SLC6A3: variants seen among roughly 807,000 people sequenced by gnomAD.
SLC6A3 encodes the protein solute carrier family 6 member 3.
Under a neutral mutation model 70.4 loss-of-function variants are expected in SLC6A3, and 19 were observed. That is an observed-to-expected ratio of 0.27 (90% CI 0.19 to 0.40). The LOEUF is 0.40. SLC6A3 is among the 10% of genes least tolerant of loss of function. The pLI is 1.00. For synonymous variants in SLC6A3, 368 were observed against 356.6 expected, an observed-to-expected ratio of 1.03 and a Z score of -0.36; for missense variants, 613 against 838.5, an observed-to-expected ratio of 0.73 and a Z score of 3.32.
At position 1,404,926 on chromosome 5, in the gene SLC6A3, A is replaced by G. The variant is rs562118247; in HGVS notation, c.1599+1262T>C. The stretch of plus-strand genomic sequence containing the variant: ...ATCGAGGTCAGCCCTCTGGGTGTTA[A>G]GAGGAGACACCCCCTCAAGGGGAGC... On this transcript the variant is annotated intron_variant, in intron 12 of 14. Transcript: ENST00000270349. The surrounding 1 kb of genome is among the most constrained non-coding windows in gnomAD (Gnocchi z 5.2). Among the ~76,000 whole-genome samples the G allele has an allele frequency of 1.3e-5, 2 of 152,348 alleles. No individual in the cohort carries two copies. Among genetic ancestry groups the G allele is most frequent in the South Asian group, 4.1e-4 (2 of 4,826 alleles).
At chr5:1,444,250 C>A (rs560096472) in intron 1 of SLC6A3, among the ~76,000 whole-genome samples, 1 of 152,150 alleles carries the variant, frequency 6.6e-6, no homozygotes, top group Admixed American at 6.5e-5. Context: ...TACATAAACC[C>A]CCCTGCAACG....
In SLC6A3 at chr5:1,411,992, G is replaced by A. The variant is rs532171303; in HGVS notation, c.1157-637C>T. On this transcript the variant is annotated intron_variant, in intron 8 of 14. Transcript: ENST00000270349. This position sits in a 1 kb window ranked among gnomAD's most constrained non-coding sequence, Gnocchi z 6.5. ...CATGCAAGAACACATCCACATGCACGCACACAAACAGAAACATGCACGTGC... is the reference window on the plus strand; with the variant it reads ...CATGCAAGAACACATCCACATGCACACACACAAACAGAAACATGCACGTGC... Among the ~76,000 whole-genome samples the A allele has an allele frequency of 1.6e-4, 24 of 148,100 alleles. No homozygotes were observed. Among genetic ancestry groups the A allele is most frequent in the African/African-American group, 5.0e-4 (20 of 39,724 alleles).
At position 1,438,021 on chromosome 5, in the gene SLC6A3, G is replaced by A. The variant is rs182817378; in HGVS notation, c.418+3338C>T. Among the ~76,000 whole-genome samples the A allele has an allele frequency of 4.3e-4, 65 of 152,294 alleles. No individual in the cohort carries two copies. Among genetic ancestry groups the A allele is most frequent in the African/African-American group, 1.4e-3 (60 of 41,556 alleles). On this transcript the variant is annotated intron_variant, in intron 3 of 14. Transcript: ENST00000270349. The surrounding 1 kb of genome is among the most constrained non-coding windows in gnomAD (Gnocchi z 6.5). ...AGCAATGTCAGTCTCCTCTAAACTG[G>A]CATCCTGCGCTTGACAGGTAGGCAG...
At position 1,402,854 on chromosome 5, in the gene SLC6A3, C is replaced by T. The variant is rs1411610854; in HGVS notation, c.1767+68G>A. Reference sequence around the variant, plus strand: ...GACCCAGGCAGGTGAGGACTGGGGCCATGGACACCCACGGAGCCTTTCTGG... The same window carrying T: ...GACCCAGGCAGGTGAGGACTGGGGCTATGGACACCCACGGAGCCTTTCTGG... On this transcript the variant is annotated intron_variant, in intron 13 of 14. Coordinates refer to ENST00000270349, the MANE Select transcript of SLC6A3 (RefSeq NM_001044.5). The surrounding 1 kb of genome is among the most constrained non-coding windows in gnomAD (Gnocchi z 8.5). The T allele has an allele frequency of 1.3e-6, 2 of 1,515,364 alleles. No individual in the cohort carries two copies. The highest frequency in any genetic ancestry group is 1.8e-6 in the Non-Finnish European group (2 of 1,102,480). 93.9% of individuals were successfully genotyped at this position (1,515,364 alleles called of 1,614,324 possible). A position where few individuals can be genotyped will look rare whatever the true frequency, so the allele number is the denominator to read the frequency against.
intron 1 of SLC6A3, among the ~76,000 whole-genome samples, chr5:1,445,087 G>A (rs947831463): frequency 6.6e-6 from 1 of 152,190 alleles, no homozygotes; most frequent in Non-Finnish European, 1.5e-5. Context: ...ACTGCACCAG[G>A]TGCCCACCCG....
chr5:1,421,981 G>GGA lies in SLC6A3; in HGVS notation c.686_687insTC (p.Ile230ProfsTer31). 1 of 1,612,878 alleles carries GGA rather than the reference G, an allele frequency of 6.2e-7. No homozygotes were observed. Among genetic ancestry groups the GGA allele is most frequent in the Non-Finnish European group, 8.5e-7 (1 of 1,180,014 alleles). On this transcript the variant is annotated frameshift_variant, in exon 5 of 15. Transcript: ENST00000270349. LOFTEE classifies it high-confidence loss of function. The surrounding 1 kb of genome is among the most constrained non-coding windows in gnomAD (Gnocchi z 7.2). ...ACCGCGGAGGCCCCAGGTCGTCGAT[G>GGA]CCATGGCTCTGGTGGAGGTGCAGCA...
chr5:1,442,894 G>A lies in SLC6A3; in HGVS notation c.286+18C>T, dbSNP rs577760312. 6.8e-6 allele frequency: 11 copies of A among 1,614,050 alleles called. No homozygotes were observed. The Admixed American group carries it at 1.5e-4, about 22-fold the overall frequency. ...CCCGCCCGGCCAGCATGCTCAGGGA[G>A]GCTGAGATGGGACTTACCGCCACCA... On this transcript the variant is annotated intron_variant, in intron 2 of 14. Transcript: ENST00000270349. This position sits in a 1 kb window ranked among gnomAD's most constrained non-coding sequence, Gnocchi z 5.0.
chr5:1,445,185 G>A (rs1452070927), intron 1 of SLC6A3, among the ~76,000 whole-genome samples, 163 bp downstream of exon 1: 3 of 152,196 alleles, frequency 2.0e-5, no homozygotes. Context: ...GCTATCGGGG[G>A]GCGCTCGGCA....
chr5:1,400,358 G>A (rs924566929), intron 14 of SLC6A3, among the ~76,000 whole-genome samples: 3 of 152,156 alleles, frequency 2.0e-5, no homozygotes, highest in Non-Finnish European at 2.9e-5. Flanking sequence ...GTGTGCCCCC[G>A]GGAATGCACC....
At chr5:1,415,055 G>C (rs1756251418) in intron 7 of SLC6A3, among the ~76,000 whole-genome samples, 1 of 152,168 alleles carries the variant, frequency 6.6e-6, no homozygotes, top group African/African-American at 2.4e-5. Flanking sequence ...GGGCAGAACA[G>C]ACGGCCACCC....
rs1357584975 is a variant in SLC6A3, at chr5:1,437,385, A to G, written c.418+3974T>C. 6.6e-6 allele frequency among the ~76,000 whole-genome samples: 1 copy of G among 152,138 alleles called. No homozygotes were observed. Among genetic ancestry groups the G allele is most frequent in the East Asian group, 1.9e-4 (1 of 5,194 alleles). ...AGACAGAGAGGAGAAGAGACAGAAC[A>G]GGAGAGAGACAGAGAGGAGAAGAGA... On this transcript the variant is annotated intron_variant, in intron 3 of 14. Coordinates refer to ENST00000270349, the MANE Select transcript of SLC6A3 (RefSeq NM_001044.5). This position sits in a 1 kb window ranked among gnomAD's most constrained non-coding sequence, Gnocchi z 4.8.
At chr5:1,400,782 C>T (rs182036633) in intron 14 of SLC6A3, 133 bp downstream of exon 14, 4 of 741,882 alleles carry the variant, frequency 5.4e-6, no homozygotes, top group Non-Finnish European at 9.6e-6. Context: ...TGCCTGTCCT[C>T]ATAGAGCACA....
intron 2 of SLC6A3, among the ~76,000 whole-genome samples, chr5:1,441,897 C>A (rs1314533020): frequency 1.3e-5 from 2 of 152,174 alleles, no homozygotes; most frequent in African/African-American, 2.4e-5. Context: ...AACTCTGCCC[C>A]TGAGCTGAGT....
rs541447496 is a variant in SLC6A3, at chr5:1,408,251, C to A, written c.1498+775G>T. Among the ~76,000 whole-genome samples the A allele has an allele frequency of 6.9e-6, 1 of 145,514 alleles. No homozygotes were observed. Among genetic ancestry groups the A allele is most frequent in the Non-Finnish European group, 1.5e-5 (1 of 67,166 alleles). On this transcript the variant is annotated intron_variant, in intron 11 of 14. Coordinates refer to ENST00000270349, the MANE Select transcript of SLC6A3 (RefSeq NM_001044.5). This position sits in a 1 kb window ranked among gnomAD's most constrained non-coding sequence, Gnocchi z 6.4. Reference sequence around the variant, plus strand: ...TAAAGATGGGGTTTTACCATGTTGGCCAGGATGGTCTTGATCTCTTGATCT... The same window carrying A: ...TAAAGATGGGGTTTTACCATGTTGGACAGGATGGTCTTGATCTCTTGATCT...
rs1247816607 is a variant in SLC6A3, at chr5:1,405,064, T to C, written c.1599+1124A>G. 2.0e-5 allele frequency among the ~76,000 whole-genome samples: 3 copies of C among 152,194 alleles called. No individual in the cohort carries two copies. The highest frequency in any genetic ancestry group is 4.4e-5 in the Non-Finnish European group (3 of 68,034). ...CCTCACTTTCCCCTCTGAACAGCCATGTAGTCTGTGTGCTATTAAAAGCCC... is the reference window on the plus strand; with the variant it reads ...CCTCACTTTCCCCTCTGAACAGCCACGTAGTCTGTGTGCTATTAAAAGCCC... On this transcript the variant is annotated intron_variant, in intron 12 of 14. Coordinates refer to ENST00000270349, the MANE Select transcript of SLC6A3 (RefSeq NM_001044.5). This position sits in a 1 kb window ranked among gnomAD's most constrained non-coding sequence, Gnocchi z 5.3.
intron 4 of SLC6A3, among the ~76,000 whole-genome samples, chr5:1,430,723 G>C (rs1353008819): frequency 6.6e-6 from 1 of 152,102 alleles, no homozygotes; most frequent in African/African-American, 2.4e-5. Context: ...CGCCCCGAAG[G>C]TGCCCTTGCA....
intron 8 of SLC6A3, 42 bp downstream of exon 8, chr5:1,414,649 G>C: frequency 1.2e-6 from 2 of 1,608,426 alleles, no homozygotes; most frequent in African/African-American, 1.3e-5. Context: ...CTCGGCGCTG[G>C]TGCTACACGG....
chr5:1,409,936 G>T, intron 9 of SLC6A3, 87 bp from the exon 10 acceptor site: 10 of 1,539,406 alleles, frequency 6.5e-6, no homozygotes, highest in East Asian at 2.2e-5. Flanking sequence ...CCCAGTGGAC[G>T]CACACCCGGG....
rs1377735765 is a variant in SLC6A3 at position 1,442,338 on chromosome 5, A to G, written c.286+574T>C. ...CTTCCCAGACCTAGCATAGAGGCCA[A>G]TGAGGGAGGCCAGGCAGGGAGGCTG... On this transcript the variant is annotated intron_variant, in intron 2 of 14. Transcript: ENST00000270349. This position sits in a 1 kb window ranked among gnomAD's most constrained non-coding sequence, Gnocchi z 5.0. Among the ~76,000 whole-genome samples, 2 of 152,016 alleles carry G rather than the reference A, an allele frequency of 1.3e-5. No homozygotes were observed. Among genetic ancestry groups the G allele is most frequent in the Non-Finnish European group, 2.9e-5 (2 of 67,982 alleles).
Sources: allele counts gnomAD v4.1 joint callset (sites outside exome capture counted in the v4.1 genomes callset), GRCh38; gene constraint gnomAD v4.1.1; non-coding constraint Gnocchi (gnomAD v3.1); transcripts MANE v1.5; gene names NCBI Gene and HGNC (gene_info 2026-07-23, HGNC 2026-07-21).